Variants in MPPED2 observed in about 807,000 individuals in gnomAD.
The protein encoded by MPPED2 is metallophosphoesterase domain containing 2, also known as metallophosphoesterase MPPED2.
MPPED2 carries 5 observed loss-of-function variants against 33.0 expected under a neutral mutation model. That is an observed-to-expected ratio of 0.15 (90% CI 0.08 to 0.32). The LOEUF (loss-of-function observed/expected upper bound fraction) is 0.32, where lower values mean the gene tolerates loss of function less well. Among genes scored for constraint, MPPED2 ranks in the 10% least tolerant of loss-of-function variants. The pLI is 1.00. For synonymous variants in MPPED2, 136 were observed against 141.9 expected (o/e 0.96, Z 0.29); for missense variants, 275 against 372.1 (o/e 0.74, Z 2.15).
rs189771485 is a variant in MPPED2, at chr11:30,578,691, T to G, written c.128+1555A>C. ...ATGGAAACAGCATCTACAAAGTTCC[T>G]TGTAGTTCTTTAATACAAAAACATA... On this transcript the variant is annotated intron_variant, in intron 2 of 6. Transcript: ENST00000358117. Among the ~76,000 whole-genome samples the G allele has an allele frequency of 3.9e-3, 597 of 152,290 alleles. 3 individuals are homozygous for G. Among genetic ancestry groups the G allele is most frequent in the Non-Finnish European group, 6.3e-3 (430 of 68,032 alleles).
intron 1 of MPPED2, among the ~76,000 whole-genome samples, chr11:30,583,420 ACTTTCC>A (rs1957289178): frequency 6.6e-6 from 1 of 151,966 alleles, no homozygotes; most frequent in African/African-American, 2.4e-5. Flanking sequence ...ACTTCAACAC[ACTTTCC>A]ACAAAACAAA....
intron 4 of MPPED2, among the ~76,000 whole-genome samples, chr11:30,450,739 G>A (rs1223844585): frequency 1.3e-5 from 2 of 152,220 alleles, no homozygotes; most frequent in Non-Finnish European, 2.9e-5. Context: ...ATATGTTTTA[G>A]TGGAGTTTTC....
intron 2 of MPPED2, among the ~76,000 whole-genome samples, chr11:30,553,451 T>C (rs1259906091): frequency 6.6e-6 from 1 of 152,222 alleles, no homozygotes; most frequent in Non-Finnish European, 1.5e-5. Context: ...TGTGTGGTCT[T>C]ACAGAACAAC....
At chr11:30,508,603 GCCTTGGCTTAAT>G (rs755303773) in intron 3 of MPPED2, among the ~76,000 whole-genome samples, 1 of 152,186 alleles carries the variant, frequency 6.6e-6, no homozygotes, top group Non-Finnish European at 1.5e-5. Context: ...CTAGAAGGCT[GCCTTGGCTTAAT>G]CCTTCCTACA....
At chr11:30,573,512 A>G (rs1006062408) in intron 2 of MPPED2, among the ~76,000 whole-genome samples, 2 of 152,196 alleles carry the variant, frequency 1.3e-5, no homozygotes. Flanking sequence ...AGAAGAAGGC[A>G]TTGTCATCAC....
chr11:30,454,616 G>T (rs1374527559), intron 4 of MPPED2, among the ~76,000 whole-genome samples: 1 of 152,090 alleles, frequency 6.6e-6, no homozygotes, highest in Non-Finnish European at 1.5e-5. Flanking sequence ...AAAAGCGTTT[G>T]CAATAGAATG....
chr11:30,393,358 T>G (rs910509965), intron 6 of MPPED2, among the ~76,000 whole-genome samples: 34 of 152,130 alleles, frequency 2.2e-4, no homozygotes, highest in African/African-American at 8.0e-4. Flanking sequence ...GGCTTTATCA[T>G]CCAGGCCTAA....
At chr11:30,575,092 T>C (rs547138677) in intron 2 of MPPED2, among the ~76,000 whole-genome samples, 2 of 152,204 alleles carry the variant, frequency 1.3e-5, no homozygotes, top group African/African-American at 2.4e-5. Context: ...GAATGAAATC[T>C]CAGATCAGAC....
intron 6 of MPPED2, among the ~76,000 whole-genome samples, chr11:30,413,633 G>A (rs1948212283): frequency 6.6e-6 from 1 of 152,208 alleles, no homozygotes; most frequent in South Asian, 2.1e-4. Flanking sequence ...TGAGCTAATA[G>A]CTCCGATGAT....
At chr11:30,399,491 T>C (rs1947881583) in intron 6 of MPPED2, among the ~76,000 whole-genome samples, 1 of 152,218 alleles carries the variant, frequency 6.6e-6, no homozygotes, top group Non-Finnish European at 1.5e-5. Context: ...TCTGGAATGT[T>C]GGCAGGCATC....
At chr11:30,528,646 A>G (rs956287787) in intron 3 of MPPED2, among the ~76,000 whole-genome samples, 3 of 152,134 alleles carry the variant, frequency 2.0e-5, no homozygotes, top group Non-Finnish European at 4.4e-5. Context: ...TATAATTGAG[A>G]CAGGGTCTCA....
At chr11:30,505,907 C>T (rs747875398) in intron 3 of MPPED2, among the ~76,000 whole-genome samples, 2 of 151,982 alleles carry the variant, frequency 1.3e-5, no homozygotes, top group Non-Finnish European at 2.9e-5. Context: ...CTTCACAATA[C>T]TCATCAGGAA....
At chr11:30,535,962 AT>A in intron 3 of MPPED2, 31 bp downstream of exon 3, 26 of 1,552,966 alleles carry the variant, frequency 1.7e-5, no homozygotes, top group Non-Finnish European at 2.1e-5. Context: ...GGAAAGGTTA[AT>A]TGGGGCCGCC....
chr11:30,493,595 CAAA>C (rs5790817), intron 4 of MPPED2, among the ~76,000 whole-genome samples: 2 of 143,640 alleles, frequency 1.4e-5, no homozygotes, highest in African/African-American at 2.6e-5. Context: ...TATACACCCT[CAAA>C]AAAAAAAAAA....
chr11:30,578,199 G>A (rs546402615), intron 2 of MPPED2, among the ~76,000 whole-genome samples: 2 of 152,264 alleles, frequency 1.3e-5, no homozygotes, highest in East Asian at 1.9e-4. Context: ...AATGTGTTAC[G>A]CTCTGTAAGA....
chr11:30,410,510 A>T lies in MPPED2; in HGVS notation c.*958T>A. 6.1e-6 allele frequency: 6 copies of T among 985,756 alleles called. No homozygotes were observed. The highest frequency in any genetic ancestry group is 6.0e-6 in the Non-Finnish European group (5 of 829,930). The allele number at this position is 985,756 out of a possible 1,614,324, so 61.1% of individuals were successfully genotyped here. Reference sequence around the variant, plus strand: ...AGGACAACTAAGCCTTATTTTAGTTAGCTTCCATTGCATCCATTTAAGTCT... The same window carrying T: ...AGGACAACTAAGCCTTATTTTAGTTTGCTTCCATTGCATCCATTTAAGTCT... On this transcript the variant is annotated 3_prime_UTR_variant, in exon 7 of 7. Transcript: ENST00000358117.
rs574777192 is a variant in MPPED2, at chr11:30,502,907, A to G, written c.311-7386T>C. On this transcript the variant is annotated intron_variant, in intron 3 of 6. Transcript: ENST00000358117. The stretch of plus-strand genomic sequence containing the variant: ...AACAACTGCAATCAGGTTTTCTGCT[A>G]TAAATCATTATAGAATGAATTCCTC... Among the ~76,000 whole-genome samples the G allele has an allele frequency of 2.0e-5, 3 of 152,356 alleles. No individual in the cohort carries two copies. In the East Asian group the frequency reaches 5.8e-4, roughly 29 times the overall value.
intron 1 of MPPED2, chr11:30,584,183 A>T (rs1957330590): frequency 6.6e-6 from 1 of 151,930 alleles, no homozygotes; most frequent in Non-Finnish European, 1.5e-5. Flanking sequence ...TCGGAGAGGG[A>T]GGGCAAGACT....
chr11:30,570,106 A>T (rs1956626026), intron 2 of MPPED2, among the ~76,000 whole-genome samples: 1 of 152,112 alleles, frequency 6.6e-6, no homozygotes, highest in African/African-American at 2.4e-5. Flanking sequence ...GATGCTATTA[A>T]CAAAATAGCG....
Sources: gnomAD v4.1 joint callset for allele counts (sites outside exome capture counted in the v4.1 genomes callset) on GRCh38, gnomAD v4.1.1 for gene constraint, MANE v1.5 for transcripts, NCBI Gene and HGNC (gene_info 2026-07-23, HGNC 2026-07-21) for gene names.